DYM: variants seen among roughly 807,000 people sequenced by gnomAD.
The protein encoded by DYM is dymeclin, also known as dyggve-Melchior-Clausen syndrome protein.
DYM carries 78 observed loss-of-function variants against 93.1 expected under a neutral mutation model. The observed-to-expected ratio is 0.84, with a 90% CI of 0.70 to 1.01. DYM has a LOEUF of 1.01. Ranked by LOEUF, DYM falls within the 50% of genes least tolerant of loss-of-function variation. The pLI is 0.00. For missense variants in DYM, 789 were observed against 845.0 expected, an observed-to-expected ratio of 0.93 and a Z score of 0.82; for synonymous variants, 321 against 319.7, an observed-to-expected ratio of 1.00 and a Z score of -0.04.
chr18:49,404,447 T>G lies in DYM; in HGVS notation c.141-12802A>C, dbSNP rs540616001. On this transcript the variant is annotated intron_variant, in intron 2 of 17. Coordinates refer to ENST00000675505, the MANE Select transcript of DYM (RefSeq NM_001353214.3). ...TTGAATATATACCCAGTAATAGGAT[T>G]GCTGGGTGAAATGGTAATCCTGTTT... is the stretch of plus-strand genomic sequence containing the variant. Among the ~76,000 whole-genome samples the G allele has an allele frequency of 3.9e-5, 6 of 152,360 alleles. No individual in the cohort carries two copies. In the South Asian group the frequency reaches 8.3e-4, roughly 21 times the overall value.
chr18:49,060,255 C>T (rs1011216139), intron 17 of DYM, among the ~76,000 whole-genome samples: 2 of 152,124 alleles, frequency 1.3e-5, no homozygotes, highest in Admixed American at 1.3e-4. Context: ...AACCATCAGC[C>T]TCTGCCAGGT....
At chr18:49,246,792 C>T (rs1425236879) in intron 13 of DYM, among the ~76,000 whole-genome samples, 5 of 152,162 alleles carry the variant, frequency 3.3e-5, no homozygotes, top group Admixed American at 2.0e-4. Flanking sequence ...GCCATTCCAT[C>T]CTTTGCTTCT....
intron 1 of DYM, among the ~76,000 whole-genome samples, chr18:49,444,234 C>T (rs76374235): frequency 0.024 from 3,638 of 152,264 alleles, 138 homozygotes; most frequent in African/African-American, 0.081. Context: ...GTTCTCATGA[C>T]ATTTTTGTCA....
Position 49,307,344 on chromosome 18 carries a change from A to G in DYM, c.764-20728T>C, listed in dbSNP as rs1258577806. Among the ~76,000 whole-genome samples the G allele has an allele frequency of 2.0e-5, 3 of 152,200 alleles. No individual in the cohort carries two copies. In the East Asian group the frequency reaches 5.8e-4, roughly 29 times the overall value. ...ATTGTCTCCATTCTTAAGGTTACCC[A>G]TGGTCCAGGATGGCTAAACCAGCTC... On this transcript the variant is annotated intron_variant, in intron 8 of 17. Coordinates refer to ENST00000675505, the MANE Select transcript of DYM (RefSeq NM_001353214.3).
chr18:49,362,027 T>G (rs1266965909), intron 6 of DYM, among the ~76,000 whole-genome samples: 1 of 15,930 alleles, frequency 6.3e-5, no homozygotes, highest in East Asian at 2.7e-3. Context: ...TCCGGCCTAA[T>G]TTTTTTTTTT....
At chr18:49,313,345 C>T (rs1599344151) in intron 8 of DYM, among the ~76,000 whole-genome samples, 1 of 151,366 alleles carries the variant, frequency 6.6e-6, no homozygotes. Context: ...CACCTGTAAT[C>T]CCAGTTACTC....
chr18:49,340,769 A>G (rs993213846), intron 6 of DYM, among the ~76,000 whole-genome samples: 3 of 152,254 alleles, frequency 2.0e-5, no homozygotes, highest in African/African-American at 7.2e-5. Flanking sequence ...ACATCCACTA[A>G]AACAGTGACA....
At chr18:49,226,451 T>C (rs2093536148) in intron 13 of DYM, among the ~76,000 whole-genome samples, 1 of 152,188 alleles carries the variant, frequency 6.6e-6, no homozygotes, top group Admixed American at 6.5e-5. Flanking sequence ...GAAGCTGGCT[T>C]GGTTCCCAGC....
Position 49,399,513 on chromosome 18 carries a change from T to C in DYM, c.141-7868A>G, listed in dbSNP as rs189630159. ...CTCTGGTTTATTTTTACAACAGTAT[T>C]AGCCTGAAAAGGGGATTAATTCCAA... On this transcript the variant is annotated intron_variant, in intron 2 of 17. Coordinates refer to ENST00000675505, the MANE Select transcript of DYM (RefSeq NM_001353214.3). Among the ~76,000 whole-genome samples, 8 of 152,312 alleles carry C rather than the reference T, an allele frequency of 5.3e-5. No individual in the cohort carries two copies. The East Asian group carries it at 1.5e-3, about 29-fold the overall frequency.
At chr18:49,148,376 A>C (rs1398802166) in intron 15 of DYM, among the ~76,000 whole-genome samples, 2 of 152,154 alleles carry the variant, frequency 1.3e-5, no homozygotes, top group East Asian at 3.8e-4. Flanking sequence ...AAGAAAATAG[A>C]AAATGTACTT....
chr18:49,060,743 A>AGGAG (rs1477511020), intron 17 of DYM, among the ~76,000 whole-genome samples: 58 of 47,480 alleles, frequency 1.2e-3, no homozygotes, highest in Non-Finnish European at 2.1e-3. Flanking sequence ...GAGAGGGAGA[A>AGGAG]GGAGGGAGAG....
chr18:49,209,383 T>G (rs1056071096), intron 14 of DYM, among the ~76,000 whole-genome samples, 168 bp downstream of exon 14: 1 of 152,210 alleles, frequency 6.6e-6, no homozygotes, highest in Non-Finnish European at 1.5e-5. Context: ...AAGAAGACAT[T>G]TGTAAGGAAA....
intron 14 of DYM, among the ~76,000 whole-genome samples, chr18:49,205,241 C>T (rs1340187435): frequency 2.0e-5 from 3 of 152,110 alleles, no homozygotes; most frequent in Non-Finnish European, 4.4e-5. Context: ...AGATTACAGG[C>T]GTGAGTCACT....
At chr18:49,251,025 G>A (rs2094275629) in intron 13 of DYM, among the ~76,000 whole-genome samples, 1 of 152,116 alleles carries the variant, frequency 6.6e-6, no homozygotes, top group African/African-American at 2.4e-5. Flanking sequence ...CAACATCTCT[G>A]GCCTCTACCC....
At chr18:49,258,847 G>GAC (rs1212886214) in intron 11 of DYM, among the ~76,000 whole-genome samples, 1 of 57,038 alleles carries the variant, frequency 1.8e-5, no homozygotes, top group African/African-American at 8.8e-5. Context: ...CACAGAGAGA[G>GAC]AGAGAGAGAG....
At chr18:49,241,447 A>G (rs970023711) in intron 13 of DYM, among the ~76,000 whole-genome samples, 1 of 152,220 alleles carries the variant, frequency 6.6e-6, no homozygotes, top group Admixed American at 6.5e-5. Flanking sequence ...GGCTAGACTT[A>G]TAATTAAATA....
intron 17 of DYM, among the ~76,000 whole-genome samples, chr18:49,077,865 G>GTA (rs953358698): frequency 1.3e-5 from 2 of 151,778 alleles, no homozygotes; most frequent in African/African-American, 4.8e-5. Context: ...TTTGCAGACA[G>GTA]TATATAGTTG....
intron 14 of DYM, among the ~76,000 whole-genome samples, chr18:49,196,669 T>C (rs1412040691): frequency 1.3e-5 from 2 of 152,066 alleles, no homozygotes; most frequent in African/African-American, 4.8e-5. Context: ...CAAAAAGTCC[T>C]GAGATAGAAA....
chr18:49,328,941 C>G (rs1188812351), intron 8 of DYM, among the ~76,000 whole-genome samples: 1 of 151,988 alleles, frequency 6.6e-6, no homozygotes, highest in African/African-American at 2.4e-5. Context: ...GGATATATAC[C>G]CAAAGGATTA....
Sources: allele counts gnomAD v4.1 joint callset (sites outside exome capture counted in the v4.1 genomes callset), GRCh38; gene constraint gnomAD v4.1.1; transcripts MANE v1.5; gene names NCBI Gene and HGNC (gene_info 2026-07-23, HGNC 2026-07-21).